Variants in DGKB observed in about 807,000 individuals in gnomAD.
DGKB encodes diacylglycerol kinase beta.
DGKB carries 67 observed loss-of-function variants against 114.3 expected under a neutral mutation model. The observed-to-expected ratio is 0.59, with a 90% CI of 0.48 to 0.72. DGKB has a LOEUF of 0.72. Among genes scored for constraint, DGKB ranks in the 30% least tolerant of loss-of-function variants. DGKB has a pLI of 0.00. For missense variants in DGKB, 907 were observed against 975.2 expected, an observed-to-expected ratio of 0.93 and a Z score of 0.93; for synonymous variants, 398 against 323.1, an observed-to-expected ratio of 1.23 and a Z score of -2.49.
upstream of DGKB, among the ~76,000 whole-genome samples, chr7:14,908,133 T>A (rs954640625): frequency 6.6e-6 from 1 of 152,214 alleles, no homozygotes. Flanking sequence ...CCTGAAAATG[T>A]CCACGTTTTA....
intron 23 of DGKB, among the ~76,000 whole-genome samples, chr7:14,236,962 G>A (rs563831616): frequency 6.6e-6 from 1 of 151,598 alleles, no homozygotes; most frequent in South Asian, 2.1e-4. Context: ...TAATTTCTTG[G>A]CAATGTGGTA....
At chr7:14,959,517 A>G (rs947508023) in intron 1 of DGKB, among the ~76,000 whole-genome samples, 4 of 152,008 alleles carry the variant, frequency 2.6e-5, no homozygotes, top group African/African-American at 9.7e-5. Context: ...TTACAGCCCT[A>G]GGATTCACTA....
At chr7:14,638,182 A>G (rs1036385687) in intron 13 of DGKB, among the ~76,000 whole-genome samples, 2 of 152,088 alleles carry the variant, frequency 1.3e-5, no homozygotes, top group Non-Finnish European at 2.9e-5. Context: ...ATTTTACAGT[A>G]CCATCTATTG....
intron 20 of DGKB, among the ~76,000 whole-genome samples, chr7:14,485,100 AC>A (rs1425378151): frequency 1.3e-3 from 5 of 3,912 alleles, no homozygotes; most frequent in Non-Finnish European, 4.3e-3. Flanking sequence ...CACACACCAC[AC>A]ACACACACAC....
chr7:14,208,877 A>T (rs1224522286), intron 23 of DGKB, among the ~76,000 whole-genome samples: 2 of 119,364 alleles, frequency 1.7e-5, no homozygotes, highest in Admixed American at 1.6e-4. Flanking sequence ...GCCTCCTGGA[A>T]ATAGCTAGTT....
At chr7:14,260,875 A>AT (rs1274448078) in intron 23 of DGKB, among the ~76,000 whole-genome samples, 1 of 152,174 alleles carries the variant, frequency 6.6e-6, no homozygotes, top group Admixed American at 6.5e-5. Context: ...GCTCATGAAG[A>AT]TTTTGTCTAC....
intron 1 of DGKB, among the ~76,000 whole-genome samples, chr7:14,946,782 T>C (rs1030963980): frequency 2.0e-5 from 3 of 151,840 alleles, no homozygotes; most frequent in African/African-American, 7.2e-5. Flanking sequence ...TTCTCAATAT[T>C]ATTTACCACT....
At chr7:14,801,911 C>T (rs879656292) in intron 2 of DGKB, among the ~76,000 whole-genome samples, 1,540 of 134,722 alleles carry the variant, frequency 0.011, 13 homozygotes, top group Non-Finnish European at 0.016. Flanking sequence ...CACATATACA[C>T]ACATATATAC....
At chr7:14,674,486 T>C (rs17168342) in intron 12 of DGKB, among the ~76,000 whole-genome samples, 3,579 of 152,270 alleles carry the variant, frequency 0.024, 134 homozygotes, top group African/African-American at 0.082. Context: ...GCCATGGCCA[T>C]GGATGTTTGG....
intron 1 of DGKB, among the ~76,000 whole-genome samples, chr7:14,918,098 C>T (rs1468455774): frequency 1.3e-5 from 2 of 152,038 alleles, no homozygotes. Context: ...GAGAGAAATT[C>T]CCCTATTTGA....
chr7:14,535,228 G>A (rs1240705315), intron 20 of DGKB, among the ~76,000 whole-genome samples: 1 of 151,946 alleles, frequency 6.6e-6, no homozygotes, highest in Non-Finnish European at 1.5e-5. Flanking sequence ...AATTAGCCAG[G>A]CATGATCGTG....
chr7:14,464,193 C>A (rs1013573166), intron 21 of DGKB, among the ~76,000 whole-genome samples: 6 of 151,812 alleles, frequency 4.0e-5, no homozygotes, highest in Admixed American at 1.3e-4. Context: ...GCTAAAGCAT[C>A]CAGGTTGAAA....
chr7:14,804,075 G>GTGTGTGTA (rs1842510657), intron 2 of DGKB, among the ~76,000 whole-genome samples: 1 of 149,492 alleles, frequency 6.7e-6, no homozygotes, highest in Non-Finnish European at 1.5e-5. Flanking sequence ...TTTTGGGTGT[G>GTGTGTGTA]TGTGTGTGTG....
intron 25 of DGKB, among the ~76,000 whole-genome samples, chr7:14,158,123 T>C (rs1384844295): frequency 6.6e-6 from 1 of 152,224 alleles, no homozygotes; most frequent in African/African-American, 2.4e-5. Flanking sequence ...AGCACCTACT[T>C]TGAAAGACCA....
chr7:14,701,646 G>C (rs1393878618), intron 7 of DGKB, 35 bp downstream of exon 7: 2 of 1,506,026 alleles, frequency 1.3e-6, no homozygotes, highest in East Asian at 2.3e-5. Context: ...GAAAATCTTT[G>C]AAGTTTTCAC....
chr7:14,659,960 C>G (rs1585427045), intron 13 of DGKB, among the ~76,000 whole-genome samples: 1 of 151,600 alleles, frequency 6.6e-6, no homozygotes, highest in East Asian at 2.0e-4. Flanking sequence ...TGAATTTTGT[C>G]AAAGGCCTTT....
rs1202501688 is a variant in DGKB at position 14,198,325 on chromosome 7, C to G, written c.2123-20174G>C. On this transcript the variant is annotated intron_variant, in intron 23 of 25. Coordinates refer to ENST00000402815, the MANE Select transcript of DGKB (RefSeq NM_001350709.2). ...AGGTATGGGAACATCTAAGATTTCA[C>G]CTTTCTTGAAAGCTAACATGTTAGC... 2.0e-5 allele frequency among the ~76,000 whole-genome samples: 3 copies of G among 152,022 alleles called. No homozygotes were observed. In the East Asian group the frequency reaches 5.8e-4, roughly 29 times the overall value.
intron 1 of DGKB, among the ~76,000 whole-genome samples, chr7:14,899,176 C>A (rs566480420): frequency 7.9e-4 from 120 of 152,156 alleles, no homozygotes; most frequent in African/African-American, 2.7e-3. Flanking sequence ...TGTTTTTATC[C>A]TCACCAGTTA....
At chr7:14,893,500 T>G (rs1439689075) in intron 1 of DGKB, among the ~76,000 whole-genome samples, 1 of 151,350 alleles carries the variant, frequency 6.6e-6, no homozygotes, top group Non-Finnish European at 1.5e-5. Context: ...AATTACCTCC[T>G]TTTTCACTCT....
Sources: allele counts gnomAD v4.1 joint callset (sites outside exome capture counted in the v4.1 genomes callset), GRCh38; gene constraint gnomAD v4.1.1; transcripts MANE v1.5; gene names NCBI Gene and HGNC (gene_info 2026-07-23, HGNC 2026-07-21).